Variants in HK1 observed in about 807,000 individuals in gnomAD.
HK1 encodes the protein hexokinase 1.
HK1 carries 28 observed loss-of-function variants against 91.6 expected under a neutral mutation model. That is an observed-to-expected ratio of 0.31 (90% confidence interval 0.23 to 0.42). The LOEUF is 0.42. HK1 is among the 10% of genes least tolerant of loss of function. The probability of loss-of-function intolerance (pLI) is 1.00; values close to 1 mark genes in which losing one functional copy is unlikely to be tolerated. For synonymous variants in HK1, 430 were observed against 468.1 expected, an observed-to-expected ratio of 0.92 and a Z score of 1.05; for missense variants, 770 against 1,219.8, an observed-to-expected ratio of 0.63 and a Z score of 5.49.
intron 5 of HK1, among the ~76,000 whole-genome samples, chr10:69,303,926 G>C (rs1309914472): frequency 6.6e-6 from 1 of 152,226 alleles, no homozygotes; most frequent in African/African-American, 2.4e-5. Flanking sequence ...GGTTGGGTCA[G>C]AGATGAAATC....
chr10:69,279,900 T>C (rs1206108147), intron 1 of HK1, among the ~76,000 whole-genome samples: 1 of 152,212 alleles, frequency 6.6e-6, no homozygotes, highest in Non-Finnish European at 1.5e-5. Context: ...TCACCTTCAC[T>C]CTTGCTTTAA....
chr10:69,324,252 A>G (rs951479340), intron 1 of HK1, among the ~76,000 whole-genome samples: 1 of 152,162 alleles, frequency 6.6e-6, no homozygotes, highest in African/African-American at 2.4e-5. Context: ...GGCTGGGGTG[A>G]CAACTATAAA....
At chr10:69,307,005 G>T (rs1277756878) in intron 5 of HK1, among the ~76,000 whole-genome samples, 1 of 152,186 alleles carries the variant, frequency 6.6e-6, no homozygotes, top group Middle Eastern at 3.2e-3. Context: ...GTGAATAAAT[G>T]ACAAGGAGGG....
chr10:69,390,344 C>T (rs1002821139), intron 14 of HK1, among the ~76,000 whole-genome samples: 3 of 152,224 alleles, frequency 2.0e-5, no homozygotes, highest in Non-Finnish European at 4.4e-5. Context: ...AGGTCAGGCC[C>T]GCCCGTTTCC....
intron 4 of HK1, among the ~76,000 whole-genome samples, chr10:69,297,389 T>A (rs573575424): frequency 3.7e-4 from 57 of 152,216 alleles, no homozygotes; most frequent in Admixed American, 8.5e-4. Flanking sequence ...CAGAAGAAGA[T>A]CCAGGTGTAA....
intron 2 of HK1, among the ~76,000 whole-genome samples, chr10:69,346,389 G>A (rs970046503): frequency 2.0e-5 from 3 of 152,188 alleles, no homozygotes; most frequent in Non-Finnish European, 2.9e-5. Context: ...GACCCTGGTC[G>A]ACTAGACACA....
At chr10:69,284,249 T>C (rs200313321) in intron 2 of HK1, among the ~76,000 whole-genome samples, 1 of 152,312 alleles carries the variant, frequency 6.6e-6, no homozygotes, top group East Asian at 1.9e-4. Flanking sequence ...GGAAGCTACT[T>C]GACTGCTGTG....
At chr10:69,392,402 G>C (rs1179480084) in intron 15 of HK1, 94 bp downstream of exon 15, 1 of 1,351,976 alleles carries the variant, frequency 7.4e-7, no homozygotes, top group Non-Finnish European at 1.1e-6. Flanking sequence ...TTTCTAGGAG[G>C]AGAGGTCTGA....
intron 8 of HK1, among the ~76,000 whole-genome samples, chr10:69,377,954 C>G (rs1483342678): frequency 1.3e-5 from 2 of 152,202 alleles, no homozygotes; most frequent in African/African-American, 2.4e-5. Context: ...ACAAGAAACC[C>G]GGGATTCTCT....
At chr10:69,319,113 C>T in intron 1 of HK1, 103 bp downstream of exon 1, 6 of 1,364,672 alleles carry the variant, frequency 4.4e-6, no homozygotes, top group South Asian at 1.2e-5. Flanking sequence ...CGGCCTTCTC[C>T]GGGCCAGCAT....
At chr10:69,385,024 C>A in intron 12 of HK1, 109 bp downstream of exon 12, 1 of 1,138,378 alleles carries the variant, frequency 8.8e-7, no homozygotes, top group Non-Finnish European at 1.3e-6. Flanking sequence ...TCCTAGATGA[C>A]AGTCACAGTC....
intron 14 of HK1, among the ~76,000 whole-genome samples, chr10:69,389,672 G>A (rs1839809046): frequency 2.0e-5 from 3 of 152,076 alleles, no homozygotes; most frequent in Non-Finnish European, 4.4e-5. Flanking sequence ...GTATTGCAGG[G>A]GGATGGGGTG....
intron 12 of HK1, 105 bp from the exon 13 acceptor site, chr10:69,386,218 T>G (rs1189765156): frequency 1.2e-6 from 1 of 838,172 alleles, no homozygotes; most frequent in African/African-American, 1.7e-5. Context: ...TCTCCGATGT[T>G]GTAAGCCCTC....
chr10:69,363,072 A>G (rs573854498), intron 3 of HK1, among the ~76,000 whole-genome samples: 21 of 152,376 alleles, frequency 1.4e-4, no homozygotes, highest in African/African-American at 4.3e-4. Flanking sequence ...TAAAGCCTTC[A>G]GGCAGCTGGC....
In HK1 at chr10:69,350,601, G is replaced by T. The variant is rs532914376; in HGVS notation, c.226+6612G>T. On this transcript the variant is annotated intron_variant, in intron 2 of 17. Transcript: ENST00000359426. ...TGCTTGAACCCGGGAGTTGGAGGTTGCAGTGAACCAAGATTGCGCCATTGC... is the reference window on the plus strand; with the variant it reads ...TGCTTGAACCCGGGAGTTGGAGGTTTCAGTGAACCAAGATTGCGCCATTGC... Among the ~76,000 whole-genome samples, 3 of 152,134 alleles carry T rather than the reference G, an allele frequency of 2.0e-5. No homozygotes were observed. In the East Asian group the frequency reaches 5.8e-4, roughly 29 times the overall value.
At chr10:69,284,708 G>A (rs1228871404) in intron 2 of HK1, among the ~76,000 whole-genome samples, 1 of 152,150 alleles carries the variant, frequency 6.6e-6, no homozygotes, top group African/African-American at 2.4e-5. Context: ...GCACAACCTC[G>A]GCTTACTGCA....
intron 17 of HK1, 106 bp downstream of exon 17, chr10:69,398,934 G>C: frequency 2.4e-6 from 2 of 821,218 alleles, no homozygotes; most frequent in Non-Finnish European, 4.0e-6. Context: ...CGGGAGCCCA[G>C]CCAGGCTGAA....
chr10:69,393,310 CT>C (rs57870614), intron 15 of HK1, among the ~76,000 whole-genome samples: 6 of 143,620 alleles, frequency 4.2e-5, no homozygotes, highest in East Asian at 2.1e-4. Flanking sequence ...CTTTTCTTTT[CT>C]TTTTTTTTTG....
At chr10:69,400,616 G>A (rs1279160391) in intron 17 of HK1, among the ~76,000 whole-genome samples, 1 of 152,212 alleles carries the variant, frequency 6.6e-6, no homozygotes, top group African/African-American at 2.4e-5. Flanking sequence ...AAGCTCCGAT[G>A]TGGGTGTGTG....
Sources: gnomAD v4.1 joint callset for allele counts (sites outside exome capture counted in the v4.1 genomes callset) on GRCh38, gnomAD v4.1.1 for gene constraint, MANE v1.5 for transcripts, NCBI Gene and HGNC (gene_info 2026-07-23, HGNC 2026-07-21) for gene names.